SLC2A9: variants seen among roughly 807,000 people sequenced by gnomAD.
The protein encoded by SLC2A9 is solute carrier family 2 member 9, also known as solute carrier family 2, facilitated glucose transporter member 9.
A neutral mutation model predicts 50.6 loss-of-function variants in SLC2A9; 39 were observed. The observed-to-expected ratio is 0.77, with a 90% CI of 0.60 to 1.01. The LOEUF (loss-of-function observed/expected upper bound fraction) is 1.01. Among genes scored for constraint, SLC2A9 ranks in the 50% least tolerant of loss-of-function variants. The pLI is 0.00. For synonymous variants in SLC2A9, 324 were observed against 276.9 expected, an observed-to-expected ratio of 1.17 and a Z score of -1.69; for missense variants, 686 against 677.6, an observed-to-expected ratio of 1.01 and a Z score of -0.14.
chr4:9,944,526 T>C (rs565315423), intron 5 of SLC2A9, among the ~76,000 whole-genome samples: 6 of 152,326 alleles, frequency 3.9e-5, no homozygotes, highest in East Asian at 1.9e-4. Flanking sequence ...TCTTTCTACC[T>C]CTGGAGAAAA....
At chr4:9,916,319 C>T (rs376269181) in intron 7 of SLC2A9, among the ~76,000 whole-genome samples, 2 of 152,200 alleles carry the variant, frequency 1.3e-5, no homozygotes, top group Non-Finnish European at 2.9e-5. Flanking sequence ...CCGGTGAGCA[C>T]CCAGAACCAA....
rs186972585 is a variant in SLC2A9, at chr4:9,986,978, G to A, written c.411-1185C>T. On this transcript the variant is annotated intron_variant, in intron 3 of 11. Transcript: ENST00000264784. ...AAAAGCCCACATTTATTGAACTCTT[G>A]CTATAGGATAGACCCTGCTTTAAGT... Among the ~76,000 whole-genome samples the A allele has an allele frequency of 3.6e-3, 552 of 152,236 alleles. 5 individuals carry two copies. Among genetic ancestry groups the A allele is most frequent in the African/African-American group, 0.012 (496 of 41,528 alleles).
At chr4:9,995,037 C>A (rs16891923) in intron 3 of SLC2A9, among the ~76,000 whole-genome samples, 9,533 of 152,114 alleles carry the variant, frequency 0.063, 617 homozygotes, top group East Asian at 0.39. Context: ...GGGAATTGGC[C>A]CCTAACTAAG....
At chr4:9,985,951 G>A (rs902412153) in intron 3 of SLC2A9, among the ~76,000 whole-genome samples, 158 bp from the exon 4 acceptor site, 1 of 152,234 alleles carries the variant, frequency 6.6e-6, no homozygotes, top group Non-Finnish European at 1.5e-5. Context: ...CTGGCTGTGT[G>A]ACTGGGTTCA....
chr4:9,987,606 G>A (rs753621025), intron 3 of SLC2A9, among the ~76,000 whole-genome samples: 43 of 152,230 alleles, frequency 2.8e-4, no homozygotes, highest in African/African-American at 6.5e-4. Flanking sequence ...TAGAACTTGC[G>A]CTCTTCCCAC....
Position 10,018,984 on chromosome 4 carries a change from G to A in SLC2A9, c.240C>T (p.Ala80=). ...LYGYNLSVVN[A]PTPYIKAFYN... The stretch of plus-strand genomic sequence containing the variant: ...CTTGGCGCGCACTCACCGGGGTGGG[G>A]GCATTCACCACCGACAGGTTGTAGC... Residue 80 remains alanine, a synonymous_variant, in exon 2 of 12, where the codon GCC becomes GCT. Coordinates refer to ENST00000264784, the MANE Select transcript of SLC2A9 (RefSeq NM_020041.3). The A allele has an allele frequency of 1.3e-6, 2 of 1,549,872 alleles. No individual in the cohort carries two copies. Among genetic ancestry groups the A allele is most frequent in the South Asian group, 1.2e-5 (1 of 84,000 alleles).
rs1237502802 is a variant in SLC2A9 at position 9,920,481 on chromosome 4, C to T, written c.906G>A (p.Val302=). 1 of 1,614,192 alleles carries T rather than the reference C, an allele frequency of 6.2e-7. No homozygotes were observed. The highest frequency in any genetic ancestry group is 1.7e-5 in the Admixed American group (1 of 60,034). ...ESRVQRSIRL[V]SVLELLRAPY... ...GAGCTCTCAGCAGCTCCAGCACGGA[C>T]ACCAGGCGGATGCTCCTCTGCACGC... Residue 302 remains valine, a synonymous_variant, in exon 7 of 12, where the codon GTG becomes GTA. Coordinates refer to ENST00000264784, the MANE Select transcript of SLC2A9 (RefSeq NM_020041.3).
intron 10 of SLC2A9, among the ~76,000 whole-genome samples, chr4:9,840,779 TA>T (rs57145923): frequency 0.23 from 35,130 of 152,132 alleles, 4,170 homozygotes; most frequent in Admixed American, 0.29. Flanking sequence ...TATAAAGATA[TA>T]CCTGACACTG....
intron 1 of SLC2A9, among the ~76,000 whole-genome samples, chr4:10,020,247 C>T (rs950012360): frequency 1.3e-5 from 2 of 152,082 alleles, no homozygotes; most frequent in Non-Finnish European, 2.9e-5. Context: ...CCACCAGCCA[C>T]GAGATAGAGC....
At chr4:10,017,010 C>T (rs1356897995) in intron 2 of SLC2A9, among the ~76,000 whole-genome samples, 1 of 152,176 alleles carries the variant, frequency 6.6e-6, no homozygotes, top group African/African-American at 2.4e-5. Flanking sequence ...CATGTGGGCA[C>T]AGCCAGGCCT....
intron 6 of SLC2A9, among the ~76,000 whole-genome samples, chr4:9,933,580 A>C (rs940456969): frequency 6.6e-6 from 1 of 152,206 alleles, no homozygotes; most frequent in African/African-American, 2.4e-5. Flanking sequence ...TCATCTATAA[A>C]GCAAAAGGTA....
upstream of SLC2A9, among the ~76,000 whole-genome samples, chr4:10,022,715 A>G (rs1463528147): frequency 6.6e-6 from 1 of 152,356 alleles, no homozygotes; most frequent in East Asian, 1.9e-4. Context: ...TAAAAAGCAC[A>G]CAATAAAATA....
At position 9,996,881 on chromosome 4, in the gene SLC2A9, C is replaced by A. The variant is rs1481936074; in HGVS notation, c.310G>T (p.Asp104Tyr). The part of the protein sequence containing the change: ...ERRHGRPIDP[D>Y]TLTLLWSVTV... ...ACAGACCAGAGCAAAGTCAGAGTGT[C>A]TGGGTCTATTGGACGTCCATGCCTT... The change falls in exon 3 of 12, where the codon GAC (aspartate) becomes TAC (tyrosine). Residue 104 changes from aspartate (D) to tyrosine (Y), a missense_variant. Coordinates refer to ENST00000264784, the MANE Select transcript of SLC2A9 (RefSeq NM_020041.3). 19 of 1,614,050 alleles carry A rather than the reference C, an allele frequency of 1.2e-5. No individual in the cohort carries two copies. Among genetic ancestry groups the A allele is most frequent in the Non-Finnish European group, 1.6e-5 (19 of 1,180,016 alleles).
At chr4:9,848,269 C>A (rs1729291134) in intron 10 of SLC2A9, among the ~76,000 whole-genome samples, 1 of 152,044 alleles carries the variant, frequency 6.6e-6, no homozygotes. Context: ...GCAATGGCGC[C>A]TTTTTCCCCT....
At chr4:9,816,568 C>T (rs775218216) in intron 3 of SLC2A9, among the ~76,000 whole-genome samples, 9 of 152,110 alleles carry the variant, frequency 5.9e-5, no homozygotes, top group Non-Finnish European at 1.0e-4. Flanking sequence ...ATGGTAAATA[C>T]ATGAGGTGAT....
At chr4:9,829,588 C>G (rs1210322681) in intron 11 of SLC2A9, among the ~76,000 whole-genome samples, 1 of 151,894 alleles carries the variant, frequency 6.6e-6, no homozygotes, top group Admixed American at 6.6e-5. Flanking sequence ...ACAACCTACA[C>G]AATGAGAGAA....
At chr4:9,868,421 C>A (rs1029202419) in intron 10 of SLC2A9, among the ~76,000 whole-genome samples, 2 of 152,264 alleles carry the variant, frequency 1.3e-5, no homozygotes, top group African/African-American at 4.8e-5. Context: ...TCCTGCCTGG[C>A]TGGAAAGCCC....
upstream of SLC2A9, among the ~76,000 whole-genome samples, chr4:10,023,785 T>C (rs1240216780): frequency 3.3e-5 from 5 of 152,206 alleles, no homozygotes; most frequent in Non-Finnish European, 7.3e-5. Context: ...TCAGAGGAAC[T>C]ATCAGACCTA....
At chr4:9,984,430 CAG>C (rs141819421) in intron 4 of SLC2A9, among the ~76,000 whole-genome samples, 62 of 148,998 alleles carry the variant, frequency 4.2e-4, no homozygotes, top group Non-Finnish European at 4.9e-4. Flanking sequence ...GTGAGAGAGA[CAG>C]AGAGAGAGAG....
Sources: allele counts gnomAD v4.1 joint callset (sites outside exome capture counted in the v4.1 genomes callset), GRCh38; gene constraint gnomAD v4.1.1; transcripts MANE v1.5; gene names NCBI Gene and HGNC (gene_info 2026-07-23, HGNC 2026-07-21).